Variants in ATP8A2 observed in about 807,000 individuals in gnomAD.
ATP8A2 encodes the protein phospholipid-transporting ATPase IB.
A neutral mutation model predicts 165.6 loss-of-function variants in ATP8A2; 100 were observed. That is an observed-to-expected ratio of 0.60 (90% CI 0.51 to 0.71). ATP8A2 has a LOEUF of 0.71. ATP8A2 is among the 30% of genes least tolerant of loss of function. The probability of loss-of-function intolerance (pLI) is 0.00; values close to 1 mark genes in which losing one functional copy is unlikely to be tolerated. For synonymous variants in ATP8A2, 543 were observed against 548.8 expected (o/e 0.99, Z 0.15); for missense variants, 1,227 against 1,479.5 (o/e 0.83, Z 2.80).
chr13:25,888,395 AAG>A (rs1953234279), intron 33 of ATP8A2, among the ~76,000 whole-genome samples: 1 of 152,252 alleles, frequency 6.6e-6, no homozygotes, highest in Non-Finnish European at 1.5e-5. Flanking sequence ...ATTGGCTGAT[AAG>A]GGGACTTTCC....
At chr13:25,744,817 G>A (rs1390176939) in intron 25 of ATP8A2, among the ~76,000 whole-genome samples, 1 of 152,330 alleles carries the variant, frequency 6.6e-6, no homozygotes, top group South Asian at 2.1e-4. Context: ...TTAGAAACAG[G>A]TTGTATTTTC....
intron 26 of ATP8A2, among the ~76,000 whole-genome samples, chr13:25,772,997 T>C (rs1397900402): frequency 6.6e-6 from 1 of 152,118 alleles, no homozygotes; most frequent in Non-Finnish European, 1.5e-5. Context: ...TGGCCTTAGG[T>C]GATCTGCCCG....
At chr13:25,519,427 C>T (rs895109841) in intron 2 of ATP8A2, among the ~76,000 whole-genome samples, 3 of 151,786 alleles carry the variant, frequency 2.0e-5, no homozygotes, top group African/African-American at 4.8e-5. Context: ...TGAGGGTGTG[C>T]GTTTTTGACC....
intron 33 of ATP8A2, among the ~76,000 whole-genome samples, chr13:25,874,086 A>G (rs538794650): frequency 6.6e-6 from 1 of 152,214 alleles, no homozygotes; most frequent in Admixed American, 6.5e-5. Context: ...CCGGAGCCAG[A>G]GTGATCTTGC....
chr13:25,779,721 T>C (rs1238830965), intron 27 of ATP8A2, among the ~76,000 whole-genome samples: 1 of 152,234 alleles, frequency 6.6e-6, no homozygotes, highest in Non-Finnish European at 1.5e-5. Context: ...CATGCCATTA[T>C]GTAACTATCT....
At chr13:25,792,485 A>AATTT (rs112273368) in intron 27 of ATP8A2, among the ~76,000 whole-genome samples, 4,547 of 152,226 alleles carry the variant, frequency 0.03, 228 homozygotes, top group African/African-American at 0.1. Flanking sequence ...GTGGTTAGAT[A>AATTT]ATTAATAGAG....
intron 25 of ATP8A2, among the ~76,000 whole-genome samples, chr13:25,727,421 A>T (rs2043518287): frequency 1.3e-5 from 2 of 152,230 alleles, no homozygotes; most frequent in South Asian, 4.1e-4. Flanking sequence ...ACGCCAAGGG[A>T]GCCGCCCCAT....
At chr13:25,734,101 T>C (rs2043714422) in intron 25 of ATP8A2, among the ~76,000 whole-genome samples, 1 of 152,252 alleles carries the variant, frequency 6.6e-6, no homozygotes, top group African/African-American at 2.4e-5. Context: ...AAAAGCTTGC[T>C]ATGCACACCA....
At chr13:25,915,788 T>C (rs1459555024) in intron 33 of ATP8A2, among the ~76,000 whole-genome samples, 1 of 152,252 alleles carries the variant, frequency 6.6e-6, no homozygotes, top group East Asian at 1.9e-4. Context: ...CTCATCTTAC[T>C]TGCTTTTGCA....
chr13:25,767,986 C>T (rs1191484332), intron 25 of ATP8A2, among the ~76,000 whole-genome samples: 4 of 147,036 alleles, frequency 2.7e-5, no homozygotes, highest in Non-Finnish European at 4.4e-5. Context: ...CTAGCTGATG[C>T]GTGAAGTCCA....
intron 22 of ATP8A2, 133 bp from the exon 23 acceptor site, chr13:25,581,686 T>C: frequency 1.1e-6 from 1 of 880,660 alleles, no homozygotes; most frequent in African/African-American, 1.7e-5. Context: ...ATGCCATCTG[T>C]AGACACAAGT....
intron 33 of ATP8A2, chr13:25,871,136 T>C: frequency 5.6e-6 from 2 of 359,250 alleles, no homozygotes; most frequent in South Asian, 2.1e-5. Context: ...AGAGGTTTTG[T>C]TGTGGTGTTG....
At chr13:25,577,221 C>A in intron 20 of ATP8A2, 83 bp downstream of exon 20, 3 of 1,156,144 alleles carry the variant, frequency 2.6e-6, no homozygotes, top group Non-Finnish European at 3.9e-6. Flanking sequence ...CTTTCCTCAT[C>A]ATTCCCTGAT....
At chr13:25,770,431 C>T (rs971149910) in intron 26 of ATP8A2, among the ~76,000 whole-genome samples, 1 of 152,118 alleles carries the variant, frequency 6.6e-6, no homozygotes, top group African/African-American at 2.4e-5. Flanking sequence ...GCTTTGACTC[C>T]CTATGATTTC....
intron 25 of ATP8A2, among the ~76,000 whole-genome samples, chr13:25,705,699 TACAG>T (rs1476105095): frequency 3.3e-5 from 5 of 152,246 alleles, no homozygotes; most frequent in Non-Finnish European, 7.4e-5. Context: ...AATTAGAAAA[TACAG>T]ACAAACAAGA....
chr13:25,507,018 G>T (rs1314396387), intron 2 of ATP8A2, among the ~76,000 whole-genome samples: 1 of 149,012 alleles, frequency 6.7e-6, no homozygotes, highest in Non-Finnish European at 1.5e-5. Context: ...GTGTATATCT[G>T]TATATCTGTG....
intron 1 of ATP8A2, among the ~76,000 whole-genome samples, chr13:25,375,968 T>C (rs2032610874): frequency 6.6e-6 from 1 of 152,176 alleles, no homozygotes; most frequent in Non-Finnish European, 1.5e-5. Context: ...TATTTTTTAA[T>C]GTGTGTTTTC....
intron 25 of ATP8A2, among the ~76,000 whole-genome samples, chr13:25,712,656 A>C (rs2137986657): frequency 1.3e-5 from 2 of 152,370 alleles, no homozygotes; most frequent in African/African-American, 4.8e-5. Flanking sequence ...AACACGAGAC[A>C]AAAGACATAA....
At chr13:25,875,644 A>G (rs899188082) in intron 33 of ATP8A2, among the ~76,000 whole-genome samples, 1 of 150,086 alleles carries the variant, frequency 6.7e-6, no homozygotes, top group Non-Finnish European at 1.5e-5. Flanking sequence ...AGTACCACAA[A>G]CCATATATTT....
Sources: gnomAD v4.1 joint callset for allele counts (sites outside exome capture counted in the v4.1 genomes callset) on GRCh38, gnomAD v4.1.1 for gene constraint, MANE v1.5 for transcripts, NCBI Gene and HGNC (gene_info 2026-07-23, HGNC 2026-07-21) for gene names.